ADGRL3: variants seen among roughly 807,000 people sequenced by gnomAD.
The protein encoded by ADGRL3 is calcium-independent alpha-latrotoxin receptor 3.
ADGRL3 carries 62 observed loss-of-function variants against 153.5 expected under a neutral mutation model. That is an observed-to-expected ratio of 0.40 (90% CI 0.33 to 0.50). The LOEUF (loss-of-function observed/expected upper bound fraction) is 0.50, where lower values mean the gene tolerates loss of function less well. ADGRL3 is among the 20% of genes least tolerant of loss of function. The pLI is 0.47. For missense variants in ADGRL3, 1,641 were observed against 1,859.4 expected, an observed-to-expected ratio of 0.88 and a Z score of 2.16; for synonymous variants, 710 against 672.5, an observed-to-expected ratio of 1.06 and a Z score of -0.86.
chr4:61,963,519 T>G (rs4860105), intron 17 of ADGRL3, among the ~76,000 whole-genome samples: 16,839 of 152,200 alleles, frequency 0.11, 1,287 homozygotes, highest in African/African-American at 0.2. Flanking sequence ...CAGTGTTTGG[T>G]TTTCTCTTCC....
At chr4:61,609,361 T>G (rs1279447171) in intron 5 of ADGRL3, among the ~76,000 whole-genome samples, 2 of 152,136 alleles carry the variant, frequency 1.3e-5, no homozygotes, top group African/African-American at 2.4e-5. Flanking sequence ...ATATGCTGTA[T>G]GTACTATTTT....
chr4:61,399,243 A>G (rs931338778), intron 2 of ADGRL3, among the ~76,000 whole-genome samples: 3 of 151,696 alleles, frequency 2.0e-5, no homozygotes, highest in Non-Finnish European at 4.4e-5. Flanking sequence ...TATTTAAATG[A>G]AATATGTAAA....
intron 8 of ADGRL3, among the ~76,000 whole-genome samples, chr4:61,767,647 A>G (rs2097013292): frequency 6.6e-6 from 1 of 152,088 alleles, no homozygotes; most frequent in Admixed American, 6.5e-5. Flanking sequence ...GGTGAGTTGA[A>G]CAGTCCAATT....
At chr4:61,302,116 A>G (rs1324148166) in intron 1 of ADGRL3, among the ~76,000 whole-genome samples, 1 of 152,136 alleles carries the variant, frequency 6.6e-6, no homozygotes. Flanking sequence ...ATTATTGCAG[A>G]AGTGGATTAA....
At chr4:61,588,982 A>G (rs1476433946) in intron 5 of ADGRL3, among the ~76,000 whole-genome samples, 2 of 152,054 alleles carry the variant, frequency 1.3e-5, no homozygotes, top group Non-Finnish European at 2.9e-5. Context: ...TTTCATCTGT[A>G]TATGATTTTC....
chr4:61,533,987 T>A (rs551858666), intron 4 of ADGRL3, among the ~76,000 whole-genome samples: 1 of 152,252 alleles, frequency 6.6e-6, no homozygotes, highest in Non-Finnish European at 1.5e-5. Flanking sequence ...TTTTGTTGCA[T>A]TTGCTTTTGA....
chr4:61,680,932 C>T (rs1428713069), intron 6 of ADGRL3, among the ~76,000 whole-genome samples: 1 of 152,028 alleles, frequency 6.6e-6, no homozygotes, highest in Non-Finnish European at 1.5e-5. Flanking sequence ...TGAATCAATA[C>T]TTTTCTCTGT....
intron 3 of ADGRL3, among the ~76,000 whole-genome samples, chr4:61,497,682 ATT>A (rs71211389): frequency 7.2e-6 from 1 of 138,956 alleles, no homozygotes. Flanking sequence ...CGCCTGGCTA[ATT>A]TTTTTTTTTT....
intron 17 of ADGRL3, among the ~76,000 whole-genome samples, chr4:61,950,304 A>C (rs890187140): frequency 2.6e-5 from 4 of 152,152 alleles, no homozygotes; most frequent in Non-Finnish European, 5.9e-5. Flanking sequence ...ATAAGAATGA[A>C]GTTTGAACAG....
intron 8 of ADGRL3, among the ~76,000 whole-genome samples, chr4:61,744,026 G>C (rs148522407): frequency 6.6e-6 from 1 of 152,142 alleles, no homozygotes; most frequent in African/African-American, 2.4e-5. Context: ...GAGCTTTTCC[G>C]ATGGGCTTAA....
intron 1 of ADGRL3, among the ~76,000 whole-genome samples, chr4:61,276,888 C>T (rs182896258): frequency 6.6e-6 from 1 of 151,918 alleles, no homozygotes; most frequent in African/African-American, 2.4e-5. Flanking sequence ...CATCATAATA[C>T]CCAATATTAA....
At chr4:61,390,562 C>T (rs1246439556) in intron 2 of ADGRL3, among the ~76,000 whole-genome samples, 1 of 152,156 alleles carries the variant, frequency 6.6e-6, no homozygotes, top group South Asian at 2.1e-4. Flanking sequence ...TGGCAATATA[C>T]ATTTAAATTT....
chr4:62,020,330 A>G (rs1179378453), intron 21 of ADGRL3, among the ~76,000 whole-genome samples: 1 of 152,138 alleles, frequency 6.6e-6, no homozygotes, highest in African/African-American at 2.4e-5. Flanking sequence ...TAGGTAATAC[A>G]GTCCTTAAAG....
intron 9 of ADGRL3, among the ~76,000 whole-genome samples, chr4:61,832,366 A>T (rs927529255): frequency 6.6e-6 from 1 of 152,210 alleles, no homozygotes; most frequent in African/African-American, 2.4e-5. Context: ...ATGAAAGTCA[A>T]TCTGTGTCAG....
intron 17 of ADGRL3, among the ~76,000 whole-genome samples, chr4:61,973,699 T>G (rs1163515050): frequency 6.6e-6 from 1 of 152,228 alleles, no homozygotes; most frequent in East Asian, 1.9e-4. Flanking sequence ...TTGTTTATTT[T>G]TTTTTAATGA....
At chr4:61,907,137 T>A (rs754304836) in intron 11 of ADGRL3, among the ~76,000 whole-genome samples, 11 of 151,990 alleles carry the variant, frequency 7.2e-5, no homozygotes, top group Non-Finnish European at 1.3e-4. Flanking sequence ...GAATTTAGGG[T>A]GAGTCCGCAG....
rs33963451 is a variant in ADGRL3 at position 61,318,210 on chromosome 4, A to AAC, written c.-239-64913_-239-64912insCA. Among the ~76,000 whole-genome samples the AAC allele has an allele frequency of 5.5e-3, 756 of 136,468 alleles. 11 individuals are homozygous for AAC. Among genetic ancestry groups the AAC allele is most frequent in the East Asian group, 9.0e-3 (41 of 4,544 alleles). 89.5% of individuals were successfully genotyped at this position (136,468 alleles called of 152,430 possible). On this transcript the variant is annotated intron_variant, in intron 1 of 26. Coordinates refer to ENST00000683033, the MANE Select transcript of ADGRL3 (RefSeq NM_001387552.1). ...ACCTGTCTCAAAAAAAAAAAAAAAA[A>AAC]AAAACACAAAACACACACACACACA...
At position 61,517,336 on chromosome 4, in the gene ADGRL3, A is replaced by T. The variant is rs1169430188; in HGVS notation, c.77A>T (p.His26Leu). The change falls in exon 4 of 27, where the codon CAT becomes CTT. Residue 26 changes from histidine (H) to leucine (L), a missense_variant. This residue lies in a region of ADGRL3 where 145 missense variants were observed against 79.1 expected (regional missense o/e 1.83). Coordinates refer to ENST00000683033, the MANE Select transcript of ADGRL3 (RefSeq NM_001387552.1). The stretch of plus-strand genomic sequence containing the variant: ...GCAGGTGGCAAGCACAGTGAACGAC[A>T]TCCTGCCCTTGCTGCTCCATTGCGA... ...IIHGGKHSER[H>L]PALAAPLRHA... The T allele has an allele frequency of 5.7e-6, 4 of 703,486 alleles. No homozygotes were observed. The highest frequency in any genetic ancestry group is 1.0e-5 in the Non-Finnish European group (4 of 385,746). The allele number at this position is 703,486 out of a possible 1,614,324, so 43.6% of individuals were successfully genotyped here.
At chr4:61,291,585 T>C (rs1301857319) in intron 1 of ADGRL3, among the ~76,000 whole-genome samples, 13 of 11,956 alleles carry the variant, frequency 1.1e-3, no homozygotes, top group East Asian at 2.6e-3. Context: ...TATATATACA[T>C]ATATATATAT....
Sources: allele counts gnomAD v4.1 joint callset (sites outside exome capture counted in the v4.1 genomes callset), GRCh38; gene constraint gnomAD v4.1.1; regional missense constraint gnomAD v4.1.1; transcripts MANE v1.5; gene names NCBI Gene and HGNC (gene_info 2026-07-23, HGNC 2026-07-21).